The following PTPRT variants were observed in gnomAD, a reference collection of about 807,000 sequenced individuals.
The protein encoded by PTPRT is protein tyrosine phosphatase receptor type T, also known as receptor-type tyrosine-protein phosphatase T.
A neutral mutation model predicts 176.8 loss-of-function variants in PTPRT; 56 were observed. That is an observed-to-expected ratio of 0.32 (90% CI 0.26 to 0.40). PTPRT has a LOEUF of 0.40. PTPRT is among the 10% of genes least tolerant of loss of function. PTPRT has a pLI of 1.00. For missense variants in PTPRT, 1,540 were observed against 1,908.2 expected (o/e 0.81, Z 3.60); for synonymous variants, 783 against 739.0 (o/e 1.06, Z -0.96).
chr20:42,099,269 T>G (rs1009171870), intron 26 of PTPRT, among the ~76,000 whole-genome samples: 1 of 152,116 alleles, frequency 6.6e-6, no homozygotes, highest in African/African-American at 2.4e-5. Context: ...ATTAGATGAT[T>G]CCAAAGCTCA....
At chr20:42,838,435 G>T (rs1156861580) in intron 2 of PTPRT, among the ~76,000 whole-genome samples, 3 of 152,198 alleles carry the variant, frequency 2.0e-5, no homozygotes, top group Admixed American at 1.3e-4. Context: ...TCCAGACTGA[G>T]CTAGCCAGGC....
At chr20:42,277,052 C>A (rs921979734) in intron 13 of PTPRT, among the ~76,000 whole-genome samples, 4 of 152,118 alleles carry the variant, frequency 2.6e-5, no homozygotes, top group Non-Finnish European at 5.9e-5. Context: ...CAAAAGCCAG[C>A]GCCCAAACCT....
At chr20:43,177,240 G>A (rs545862679) in intron 1 of PTPRT, among the ~76,000 whole-genome samples, 1 of 152,278 alleles carries the variant, frequency 6.6e-6, no homozygotes, top group South Asian at 2.1e-4. Context: ...TGAGTCTAGT[G>A]GAATTTATCC....
At chr20:42,591,886 G>C (rs985867182) in intron 7 of PTPRT, among the ~76,000 whole-genome samples, 1 of 151,748 alleles carries the variant, frequency 6.6e-6, no homozygotes, top group Non-Finnish European at 1.5e-5. Context: ...ATAAGAGACC[G>C]AGCACTGGTG....
intron 7 of PTPRT, among the ~76,000 whole-genome samples, chr20:42,610,917 T>C (rs2073964840): frequency 7.8e-6 from 1 of 128,968 alleles, no homozygotes; most frequent in African/African-American, 3.7e-5. Context: ...ATTCTGAACA[T>C]TGCAATACAC....
intron 27 of PTPRT, among the ~76,000 whole-genome samples, chr20:42,089,862 T>C (rs774207143): frequency 1.3e-5 from 2 of 152,164 alleles, no homozygotes; most frequent in Non-Finnish European, 2.9e-5. Context: ...CACTGACCCT[T>C]TGGGGCTCAG....
chr20:43,113,830 A>C (rs2012955894), intron 1 of PTPRT, among the ~76,000 whole-genome samples: 1 of 152,214 alleles, frequency 6.6e-6, no homozygotes, highest in South Asian at 2.1e-4. Flanking sequence ...GTATTCCCGA[A>C]TCTCTTGTTT....
At chr20:42,133,650 C>G (rs1384412018) in intron 18 of PTPRT, among the ~76,000 whole-genome samples, 1 of 152,120 alleles carries the variant, frequency 6.6e-6, no homozygotes, top group African/African-American at 2.4e-5. Flanking sequence ...TCCTATAGAA[C>G]TGTACAACAT....
intron 7 of PTPRT, among the ~76,000 whole-genome samples, chr20:42,600,320 A>G (rs539491030): frequency 2.6e-5 from 4 of 152,176 alleles, no homozygotes; most frequent in Non-Finnish European, 5.9e-5. Context: ...TTGTATTTTT[A>G]GTAGAGACGG....
chr20:42,544,427 A>T (rs1408784140), intron 7 of PTPRT, among the ~76,000 whole-genome samples: 1 of 152,180 alleles, frequency 6.6e-6, no homozygotes, highest in African/African-American at 2.4e-5. Context: ...ATGGAATTGA[A>T]GAGAGTTAGG....
At chr20:42,937,717 C>G (rs1980281003) in intron 1 of PTPRT, among the ~76,000 whole-genome samples, 1 of 152,220 alleles carries the variant, frequency 6.6e-6, no homozygotes, top group Non-Finnish European at 1.5e-5. Context: ...GAGACATACT[C>G]TGTGAATCAC....
At chr20:42,581,472 TG>T (rs2073369437) in intron 7 of PTPRT, among the ~76,000 whole-genome samples, 1 of 151,280 alleles carries the variant, frequency 6.6e-6, no homozygotes, top group Non-Finnish European at 1.5e-5. Context: ...AGCTGACACA[TG>T]GCAGGTGCTC....
chr20:42,375,566 G>A lies in PTPRT; in HGVS notation c.1561-23281C>T, dbSNP rs1600915576. Among the ~76,000 whole-genome samples, 4 of 152,104 alleles carry A rather than the reference G, an allele frequency of 2.6e-5. No homozygotes were observed. In the South Asian group the frequency reaches 8.3e-4, roughly 32 times the overall value. On this transcript the variant is annotated intron_variant, in intron 9 of 30. Transcript: ENST00000373187. ...ACCAGACACCAAACCTGCCCCCCTG[G>A]ATCCGGGCTTCCCAGCCTCCTAGAA...
intron 7 of PTPRT, among the ~76,000 whole-genome samples, chr20:42,650,231 A>T (rs1320403084): frequency 6.6e-6 from 1 of 152,198 alleles, no homozygotes; most frequent in Non-Finnish European, 1.5e-5. Context: ...CAGCAGAACC[A>T]GGACTTGAAA....
intron 6 of PTPRT, among the ~76,000 whole-genome samples, chr20:42,737,270 C>A (rs1399149999): frequency 1.3e-5 from 2 of 152,136 alleles, no homozygotes; most frequent in African/African-American, 2.4e-5. Context: ...ACGACAGAGG[C>A]AGAGACAGGA....
intron 1 of PTPRT, among the ~76,000 whole-genome samples, chr20:42,997,099 G>T (rs1600634324): frequency 6.6e-6 from 1 of 152,026 alleles, no homozygotes; most frequent in South Asian, 2.1e-4. Context: ...TCTGTGAAAG[G>T]AGCGGGAAAA....
At chr20:42,174,819 T>A (rs1265135938) in intron 16 of PTPRT, among the ~76,000 whole-genome samples, 1 of 152,162 alleles carries the variant, frequency 6.6e-6, no homozygotes, top group African/African-American at 2.4e-5. Flanking sequence ...AGTTACTCAA[T>A]CTCTCTGAAC....
chr20:42,794,185 A>C (rs2077419458), intron 2 of PTPRT, among the ~76,000 whole-genome samples: 1 of 152,190 alleles, frequency 6.6e-6, no homozygotes. Flanking sequence ...GCACACAGCT[A>C]GACTATGTCT....
chr20:42,815,672 T>C (rs896235663), intron 2 of PTPRT, among the ~76,000 whole-genome samples: 1 of 152,176 alleles, frequency 6.6e-6, no homozygotes. Context: ...TTCTAGGGCC[T>C]CTCTGAAATG....
Sources: gnomAD v4.1 joint callset for allele counts (sites outside exome capture counted in the v4.1 genomes callset) on GRCh38, gnomAD v4.1.1 for gene constraint, MANE v1.5 for transcripts, NCBI Gene and HGNC (gene_info 2026-07-23, HGNC 2026-07-21) for gene names.